ZNF728: variants seen among roughly 807,000 people sequenced by gnomAD.
ZNF728 encodes zinc finger protein 728.
A neutral mutation model predicts 12.5 loss-of-function variants in ZNF728; 12 were observed. The ratio of observed to expected loss-of-function variants is 0.96; its 90% confidence interval spans 0.61 to 1.55. ZNF728 has a LOEUF of 1.55. Among genes scored for constraint, ZNF728 ranks in the 40% most tolerant of loss-of-function variants. The probability of loss-of-function intolerance (pLI) is 0.00; values close to 1 mark genes in which losing one functional copy is unlikely to be tolerated. For missense variants in ZNF728, 692 were observed against 719.2 expected (o/e 0.96, Z 0.43); for synonymous variants, 205 against 240.7 (o/e 0.85, Z 1.37).
chr19:22,977,052 G>T lies in ZNF728; in HGVS notation c.285C>A (p.Phe95Leu), dbSNP rs2145332084. The T allele has an allele frequency of 6.2e-7, 1 of 1,612,450 alleles. No homozygotes were observed. Among genetic ancestry groups the T allele is most frequent in the East Asian group, 2.2e-5 (1 of 44,746 alleles). Reference protein sequence around the residue: ...LWPEQGREDSFQKVILRRYEK... With the variant: ...LWPEQGREDSLQKVILRRYEK... ...CATATCTTCTCAATATCACTTTTTGGAAAGAATCTTCTCTGCCCTGCTCTG... is the reference window on the plus strand; with the variant it reads ...CATATCTTCTCAATATCACTTTTTGTAAAGAATCTTCTCTGCCCTGCTCTG... The change falls in exon 4 of 4, where the codon TTC becomes TTA. Residue 95 changes from phenylalanine (F) to leucine (L), a missense_variant. Physicochemically the swap from Phe to Leu is conservative, Grantham distance 22. Around this residue, in one of 3 missense-constraint regions of ZNF728, gnomAD observed 440 missense variants for 459.6 expected, o/e 0.96. Coordinates refer to ENST00000594710, the MANE Select transcript of ZNF728 (RefSeq NM_001267716.2).
intron 1 of ZNF728, among the ~76,000 whole-genome samples, chr19:23,001,703 T>C (rs969223557): frequency 2.6e-5 from 4 of 152,176 alleles, no homozygotes; most frequent in African/African-American, 7.2e-5. Flanking sequence ...AGAAAACAAA[T>C]CTTTTTAAAT....
intron 3 of ZNF728, among the ~76,000 whole-genome samples, chr19:22,986,663 C>T (rs1412478625): frequency 2.0e-5 from 3 of 151,904 alleles, no homozygotes; most frequent in Non-Finnish European, 4.4e-5. Context: ...GCCATATTAT[C>T]CAAAGTGGTC....
chr19:22,999,653 A>T (rs941941657), intron 1 of ZNF728, among the ~76,000 whole-genome samples: 1 of 152,250 alleles, frequency 6.6e-6, no homozygotes, highest in Non-Finnish European at 1.5e-5. Context: ...TCAAAAACAT[A>T]TAAGAAAATT....
intron 3 of ZNF728, among the ~76,000 whole-genome samples, chr19:22,980,493 A>T (rs577147469): frequency 2.7e-4 from 41 of 152,182 alleles, no homozygotes; most frequent in Non-Finnish European, 5.0e-4. Flanking sequence ...ACTAACAAGG[A>T]TATTCAGGAT....
intron 1 of ZNF728, 45 bp downstream of exon 1, chr19:23,002,983 C>G: frequency 6.3e-7 from 1 of 1,586,544 alleles, no homozygotes; most frequent in Non-Finnish European, 8.6e-7. Flanking sequence ...CCGGTTCCAA[C>G]CAGCGGCTGC....
intron 1 of ZNF728, 39 bp from the exon 2 acceptor site, chr19:22,988,490 T>C (rs2145343527): frequency 6.2e-7 from 1 of 1,604,802 alleles, no homozygotes; most frequent in Non-Finnish European, 8.5e-7. Flanking sequence ...TACCAAGTGG[T>C]CATGGGCAGA....
rs1230689570 is a variant in ZNF728, at chr19:22,986,628, C to A, written c.226+680G>T. Among the ~76,000 whole-genome samples the A allele has an allele frequency of 1.3e-5, 2 of 151,930 alleles. 1 individual carries two copies. Among genetic ancestry groups the A allele is most frequent in the Non-Finnish European group, 2.9e-5 (2 of 67,928 alleles). ...ATAAATTGAAATATATTTTGTCTAT[C>A]GATTCAAAGAATAAATGTTAAAATG... On this transcript the variant is annotated intron_variant, in intron 3 of 3. Transcript: ENST00000594710.
rs1180467890 is a variant in ZNF728, at chr19:22,976,636, C to A, written c.701G>T (p.Gly234Val). The change falls in exon 4 of 4, where the codon GGC becomes GTC. Residue 234 changes from glycine to valine, a missense_variant. Transcript: ENST00000594710. ...GEKPCKCEEC[G>V]KAFSKFSILT... is the part of the protein sequence containing the mutation. ...GATTGAGAACTTACTAAAGGCTTTGCCACATTCTTCACATTTGCAGGGTTT... is the reference window on the plus strand; with the variant it reads ...GATTGAGAACTTACTAAAGGCTTTGACACATTCTTCACATTTGCAGGGTTT... The A allele has an allele frequency of 1.9e-6, 3 of 1,612,880 alleles. No homozygotes were observed. The South Asian group carries it at 3.3e-5, about 18-fold the overall frequency.
chr19:22,989,716 C>G (rs968911807), intron 1 of ZNF728, among the ~76,000 whole-genome samples: 1 of 152,144 alleles, frequency 6.6e-6, no homozygotes, highest in African/African-American at 2.4e-5. Context: ...ATACAGATAT[C>G]TCCCATGTTC....
chr19:22,983,510 A>G (rs2145337893), intron 3 of ZNF728, among the ~76,000 whole-genome samples: 1 of 152,348 alleles, frequency 6.6e-6, no homozygotes, highest in South Asian at 2.1e-4. Flanking sequence ...TGCTGGGTAT[A>G]TACGCTCAAA....
At chr19:22,983,539 A>G (rs1186319062) in intron 3 of ZNF728, among the ~76,000 whole-genome samples, 1 of 152,210 alleles carries the variant, frequency 6.6e-6, no homozygotes, top group East Asian at 1.9e-4. Flanking sequence ...TCATTCTACT[A>G]TAAAGACACA....
chr19:22,980,591 C>T (rs776709226), intron 3 of ZNF728, among the ~76,000 whole-genome samples: 1 of 152,132 alleles, frequency 6.6e-6, no homozygotes, highest in Non-Finnish European at 1.5e-5. Context: ...CTTCTCAACA[C>T]CACATCACAC....
At chr19:23,000,743 CT>C (rs1969100262) in intron 1 of ZNF728, among the ~76,000 whole-genome samples, 1 of 151,584 alleles carries the variant, frequency 6.6e-6, no homozygotes, top group Admixed American at 6.6e-5. Context: ...TGGTGGGCAC[CT>C]GTAGTCCCAC....
chr19:22,991,782 A>G (rs143955384), intron 1 of ZNF728, among the ~76,000 whole-genome samples: 2 of 152,284 alleles, frequency 1.3e-5, no homozygotes, highest in East Asian at 3.9e-4. Context: ...AAAAGGGTGA[A>G]TATGAACAGG....
At chr19:22,983,240 C>G (rs1416115449) in intron 3 of ZNF728, among the ~76,000 whole-genome samples, 1 of 151,704 alleles carries the variant, frequency 6.6e-6, no homozygotes, top group Non-Finnish European at 1.5e-5. Context: ...TTTATGTGGC[C>G]AACAAACATG....
intron 3 of ZNF728, 67 bp downstream of exon 3, chr19:22,987,241 T>G: frequency 3.4e-6 from 5 of 1,451,098 alleles, no homozygotes; most frequent in Middle Eastern, 1.8e-4. Flanking sequence ...CCATATCACT[T>G]TAAGGACTGG....
intron 3 of ZNF728, among the ~76,000 whole-genome samples, chr19:22,979,591 A>G (rs1306272789): frequency 2.0e-5 from 3 of 150,358 alleles, no homozygotes; most frequent in Non-Finnish European, 4.4e-5. Context: ...AAATGAAGAA[A>G]AAATGTTGAG....
chr19:23,001,589 G>A (rs770301190), intron 1 of ZNF728, among the ~76,000 whole-genome samples: 4 of 152,198 alleles, frequency 2.6e-5, no homozygotes, highest in Non-Finnish European at 4.4e-5. Context: ...ACTGAAGGGT[G>A]GCTGAGGACA....
intron 1 of ZNF728, among the ~76,000 whole-genome samples, chr19:23,000,259 T>C (rs1362024313): frequency 6.6e-6 from 1 of 151,852 alleles, no homozygotes; most frequent in Non-Finnish European, 1.5e-5. Context: ...GCGCCTGTAG[T>C]CCCAGCTACT....
Sources: allele counts gnomAD v4.1 joint callset (sites outside exome capture counted in the v4.1 genomes callset), GRCh38; gene constraint gnomAD v4.1.1; regional missense constraint gnomAD v4.1.1; transcripts MANE v1.5; gene names NCBI Gene and HGNC (gene_info 2026-07-23, HGNC 2026-07-21).